FLT1: variants seen among roughly 807,000 people sequenced by gnomAD.
The protein encoded by FLT1 is fms related receptor tyrosine kinase 1, also known as vascular endothelial growth factor receptor 1.
Under a neutral mutation model 156.3 loss-of-function variants are expected in FLT1, and 49 were observed. The ratio of observed to expected loss-of-function variants is 0.31; its 90% CI spans 0.25 to 0.40. The LOEUF is 0.40. Among genes scored for constraint, FLT1 ranks in the 10% least tolerant of loss-of-function variants. The probability of loss-of-function intolerance (pLI) is 1.00; values close to 1 mark genes in which losing one functional copy is unlikely to be tolerated. For missense variants in FLT1, 1,322 were observed against 1,637.2 expected (o/e 0.81, Z 3.32); for synonymous variants, 594 against 583.8 (o/e 1.02, Z -0.25).
At chr13:28,411,223 C>A (rs544068527) in intron 10 of FLT1, among the ~76,000 whole-genome samples, 1 of 151,838 alleles carries the variant, frequency 6.6e-6, no homozygotes, top group South Asian at 2.1e-4. Context: ...TATAGGAACT[C>A]TTTACCTTCT....
At chr13:28,345,383 A>G in intron 16 of FLT1, 62 bp downstream of exon 16, 3 of 999,672 alleles carry the variant, frequency 3.0e-6, no homozygotes, top group Non-Finnish European at 4.7e-6. Context: ...TACTCTAGAC[A>G]TCAGATCGGG....
chr13:28,314,192 A>G (rs565077795), intron 25 of FLT1, among the ~76,000 whole-genome samples: 2 of 152,266 alleles, frequency 1.3e-5, no homozygotes, highest in East Asian at 3.9e-4. Flanking sequence ...CTCCTGCACC[A>G]TCGTCTCCCC....
chr13:28,447,280 G>A (rs1372945363), intron 3 of FLT1, among the ~76,000 whole-genome samples: 1 of 151,742 alleles, frequency 6.6e-6, no homozygotes, highest in Non-Finnish European at 1.5e-5. Context: ...CCAGGCGCAA[G>A]TGATGCCCCC....
At chr13:28,358,343 A>G (rs1241203703) in intron 14 of FLT1, among the ~76,000 whole-genome samples, 2 of 152,208 alleles carry the variant, frequency 1.3e-5, no homozygotes, top group African/African-American at 4.8e-5. Flanking sequence ...TAGCGCTTCA[A>G]GCTTTGTCAC....
intron 16 of FLT1, among the ~76,000 whole-genome samples, chr13:28,343,652 T>G (rs1323044469): frequency 1.3e-5 from 2 of 151,336 alleles, no homozygotes; most frequent in Non-Finnish European, 2.9e-5. Flanking sequence ...TTTCTTTTTT[T>G]TTTTTTCTGA....
rs768681920 is a variant in FLT1 at position 28,431,172 on chromosome 13, A to G, written c.952T>C (p.Ser318Pro). 2 of 1,613,860 alleles carry G rather than the reference A, an allele frequency of 1.2e-6. No homozygotes were observed. Among genetic ancestry groups the G allele is most frequent in the Non-Finnish European group, 1.7e-6 (2 of 1,179,772 alleles). The stretch of plus-strand genomic sequence containing the variant: ...ACTGAGGTGTTAACAGATTTGAATG[A>G]TGGTCCACTCCTTACACGACAAGTA... ...LYTCRVRSGPSFKSVNTSVHI... is the reference protein window; with the variant it reads ...LYTCRVRSGPPFKSVNTSVHI... The change falls in exon 7 of 30, where the codon TCA (serine) becomes CCA (proline). Residue 318 changes from serine (S) to proline (P), a missense_variant. Ser to Pro is a moderately conservative substitution (Grantham distance 74, BLOSUM62 -1). Around this residue, in one of 3 missense-constraint regions of FLT1, gnomAD observed 991 missense variants for 1,254.8 expected, o/e 0.79. Coordinates refer to ENST00000282397, the MANE Select transcript of FLT1 (RefSeq NM_002019.4).
At chr13:28,462,995 T>C (rs2137613617) in intron 3 of FLT1, among the ~76,000 whole-genome samples, 1 of 152,336 alleles carries the variant, frequency 6.6e-6, no homozygotes, top group African/African-American at 2.4e-5. Flanking sequence ...AGAGCCCTAA[T>C]GTGAAGTGAA....
intron 12 of FLT1, among the ~76,000 whole-genome samples, chr13:28,392,990 T>C (rs1218415606): frequency 6.6e-6 from 1 of 152,120 alleles, no homozygotes. Context: ...TTCTCCTTAA[T>C]TCATGTTGAC....
At chr13:28,390,706 AT>A (rs1874660592) in intron 12 of FLT1, among the ~76,000 whole-genome samples, 1 of 152,090 alleles carries the variant, frequency 6.6e-6, no homozygotes, top group Non-Finnish European at 1.5e-5. Flanking sequence ...CTCATTTCCT[AT>A]TTTTAAAATC....
In FLT1 at chr13:28,385,852, A is replaced by C. The variant is rs3794404; in HGVS notation, c.1970-821T>G. 3.9e-4 allele frequency: 406 copies of C among 1,052,080 alleles called. 6 individuals carry two copies. In the East Asian group the frequency reaches 0.021, roughly 53 times the overall value. The allele number at this position is 1,052,080 out of a possible 1,614,324, so 65.2% of individuals were successfully genotyped here. A position where few individuals can be genotyped will look rare whatever the true frequency, so the allele number is the denominator to read the frequency against. On this transcript the variant is annotated intron_variant, in intron 13 of 29. Transcript: ENST00000282397. ...AGCAGTACCCCCAAGGCCCCCAATG[A>C]GTACAGTATATCTCTAATGAAGTAG...
chr13:28,470,030 A>G (rs1880070670), intron 1 of FLT1, among the ~76,000 whole-genome samples: 1 of 152,212 alleles, frequency 6.6e-6, no homozygotes. Flanking sequence ...TTGAGATTAG[A>G]GGCATGAGCC....
intron 10 of FLT1, among the ~76,000 whole-genome samples, chr13:28,409,356 T>TC (rs2137500663): frequency 6.6e-6 from 1 of 151,228 alleles, no homozygotes; most frequent in African/African-American, 2.4e-5. Flanking sequence ...TTTCTTTCTT[T>TC]TTTTTTTTTT....
At chr13:28,469,900 C>T (rs1459372352) in intron 1 of FLT1, among the ~76,000 whole-genome samples, 2 of 151,968 alleles carry the variant, frequency 1.3e-5, no homozygotes, top group African/African-American at 4.8e-5. Flanking sequence ...ACTACAGGTG[C>T]GCATCATCAG....
At chr13:28,468,537 T>C (rs533746418) in intron 1 of FLT1, among the ~76,000 whole-genome samples, 9 of 152,344 alleles carry the variant, frequency 5.9e-5, no homozygotes, top group South Asian at 2.1e-4. Flanking sequence ...CAGCCTGATA[T>C]AGCTTGGATG....
intron 1 of FLT1, among the ~76,000 whole-genome samples, chr13:28,493,913 G>T (rs1373894177): frequency 3.3e-5 from 5 of 152,222 alleles, no homozygotes; most frequent in Non-Finnish European, 7.3e-5. Context: ...AAAATCGCCC[G>T]CCCTCTCTTC....
intron 18 of FLT1, among the ~76,000 whole-genome samples, chr13:28,331,847 C>T (rs1002696238): frequency 2.7e-5 from 4 of 147,392 alleles, no homozygotes; most frequent in African/African-American, 1.0e-4. Context: ...ACAATCAATG[C>T]TGATGGCTAA....
intron 13 of FLT1, chr13:28,386,663 G>A: frequency 9.5e-7 from 1 of 1,057,176 alleles, no homozygotes; most frequent in Non-Finnish European, 1.1e-6. Context: ...TGAAAATGCA[G>A]TCCTGTTTAA....
In FLT1 at chr13:28,302,577, C is replaced by T. The variant is rs1870557807; in HGVS notation, c.*590G>A. On this transcript the variant is annotated 3_prime_UTR_variant, in exon 30 of 30. Coordinates refer to ENST00000282397, the MANE Select transcript of FLT1 (RefSeq NM_002019.4). ...TAGAAGGGTCAGAGCTGGGAAGCCACTGAAATGGCATTGCTGAGCCCCGTC... is the reference window on the plus strand; with the variant it reads ...TAGAAGGGTCAGAGCTGGGAAGCCATTGAAATGGCATTGCTGAGCCCCGTC... The T allele has an allele frequency of 4.3e-6, 1 of 233,760 alleles. No individual in the cohort carries two copies. The highest frequency in any genetic ancestry group is 8.4e-6 in the Non-Finnish European group (1 of 118,384). The allele number at this position is 233,760 out of a possible 1,614,324, so 14.5% of individuals were successfully genotyped here.
chr13:28,483,690 G>A (rs1376033063), intron 1 of FLT1, among the ~76,000 whole-genome samples: 1 of 152,124 alleles, frequency 6.6e-6, no homozygotes, highest in Non-Finnish European at 1.5e-5. Flanking sequence ...CAGGAGCTAC[G>A]GGGCTTAAAG....
Sources: allele counts gnomAD v4.1 joint callset (sites outside exome capture counted in the v4.1 genomes callset), GRCh38; gene constraint gnomAD v4.1.1; regional missense constraint gnomAD v4.1.1; transcripts MANE v1.5; gene names NCBI Gene and HGNC (gene_info 2026-07-23, HGNC 2026-07-21).